ABLIM2: variants seen among roughly 807,000 people sequenced by gnomAD.
ABLIM2 encodes actin binding LIM protein family member 2.
ABLIM2 carries 53 observed loss-of-function variants against 97.7 expected under a neutral mutation model. That is an observed-to-expected ratio of 0.54 (90% CI 0.44 to 0.68). The LOEUF (loss-of-function observed/expected upper bound fraction) is 0.68. Among genes scored for constraint, ABLIM2 ranks in the 30% least tolerant of loss-of-function variants. ABLIM2 has a pLI of 0.00. For synonymous variants in ABLIM2, 361 were observed against 345.8 expected (o/e 1.04, Z -0.49); for missense variants, 835 against 867.2 (o/e 0.96, Z 0.47).
In ABLIM2 at chr4:8,085,437, A is replaced by G. The variant is rs1245663008; in HGVS notation, c.454+2732T>C. Among the ~76,000 whole-genome samples, 2 of 151,740 alleles carry G rather than the reference A, an allele frequency of 1.3e-5. No individual in the cohort carries two copies. Among genetic ancestry groups the G allele is most frequent in the Admixed American group, 6.6e-5 (1 of 15,250 alleles). ...GTGTTGGTGTCTCAGTGCCATTCCC[A>G]TTCCCCGCCCCCACGCTGCAGCCCC... On this transcript the variant is annotated intron_variant, in intron 4 of 20. Transcript: ENST00000447017. This position sits in a 1 kb window ranked among gnomAD's most constrained non-coding sequence, Gnocchi z 6.1.
chr4:8,133,986 A>AG (rs1012636747), intron 1 of ABLIM2, among the ~76,000 whole-genome samples: 136 of 148,992 alleles, frequency 9.1e-4, no homozygotes, highest in African/African-American at 2.7e-3. Flanking sequence ...GGCAGGTTGC[A>AG]GGGGGGGGTG....
At position 8,149,532 on chromosome 4, in the gene ABLIM2, T is replaced by C. The variant is rs539834302; in HGVS notation, c.10+9148A>G. 6.6e-6 allele frequency among the ~76,000 whole-genome samples: 1 copy of C among 151,738 alleles called. No homozygotes were observed. Among genetic ancestry groups the C allele is most frequent in the African/African-American group, 2.4e-5 (1 of 41,384 alleles). On this transcript the variant is annotated intron_variant, in intron 1 of 20. Transcript: ENST00000447017. The surrounding 1 kb of genome is among the most constrained non-coding windows in gnomAD (Gnocchi z 6.4). Reference sequence around the variant, plus strand: ...AGGAGGGAAGCAGAGGGCCTAGAGATGGGAAGAAAGCTTCACAGAGGCCCT... The same window carrying C: ...AGGAGGGAAGCAGAGGGCCTAGAGACGGGAAGAAAGCTTCACAGAGGCCCT...
rs1775109613 is a variant in ABLIM2, at chr4:8,023,221, C to T, written c.1268-2918G>A. The T allele has an allele frequency of 6.6e-6, 1 of 152,472 alleles. No individual in the cohort carries two copies. Among genetic ancestry groups the T allele is most frequent in the Admixed American group, 6.5e-5 (1 of 15,306 alleles). 9.4% of individuals were successfully genotyped at this position (152,472 alleles called of 1,614,324 possible). On this transcript the variant is annotated intron_variant, in intron 12 of 20. Transcript: ENST00000447017. The surrounding 1 kb of genome is among the most constrained non-coding windows in gnomAD (Gnocchi z 5.7). ...CACTAGGGTGCCCACAGATTGGTGC[C>T]ACCTGCACGCCGCACGGGATTCGGG...
chr4:7,990,064 C>G (rs1471201412), intron 17 of ABLIM2, among the ~76,000 whole-genome samples: 1 of 152,172 alleles, frequency 6.6e-6, no homozygotes, highest in Non-Finnish European at 1.5e-5. Context: ...GAAGAACACC[C>G]AGGAAAGCCT....
intron 20 of ABLIM2, among the ~76,000 whole-genome samples, chr4:7,973,591 G>A (rs915593928): frequency 3.3e-5 from 5 of 152,256 alleles, no homozygotes; most frequent in African/African-American, 1.2e-4. Flanking sequence ...GCAGGGCCCT[G>A]GACCGTGTTA....
intron 20 of ABLIM2, among the ~76,000 whole-genome samples, chr4:7,973,377 T>A (rs187145227): frequency 6.6e-6 from 1 of 151,966 alleles, no homozygotes; most frequent in African/African-American, 2.4e-5. Context: ...GGTACATGCC[T>A]GTAGTCCCAG....
At chr4:8,006,876 CA>C (rs923816297) in intron 16 of ABLIM2, 71 of 352,160 alleles carry the variant, frequency 2.0e-4, no homozygotes, top group Middle Eastern at 1.4e-3. Flanking sequence ...GGGATTTTTG[CA>C]GGGGGGGGGT....
intron 5 of ABLIM2, 54 bp downstream of exon 5, chr4:8,080,621 CA>C: frequency 1.3e-6 from 2 of 1,510,616 alleles, no homozygotes; most frequent in Non-Finnish European, 8.9e-7. Flanking sequence ...GTGGGACCCC[CA>C]CAGAGTAGGG....
At chr4:8,049,574 C>T (rs1326573486) in intron 8 of ABLIM2, among the ~76,000 whole-genome samples, 1 of 152,190 alleles carries the variant, frequency 6.6e-6, no homozygotes, top group Non-Finnish European at 1.5e-5. Flanking sequence ...CATTTAACAT[C>T]AACGCAGACC....
intron 2 of ABLIM2, among the ~76,000 whole-genome samples, chr4:8,102,226 G>A (rs1016141490): frequency 1.3e-5 from 2 of 152,180 alleles, no homozygotes; most frequent in Non-Finnish European, 2.9e-5. Context: ...CTGCTTCCGG[G>A]TCTCTGCACT....
intron 10 of ABLIM2, among the ~76,000 whole-genome samples, 158 bp downstream of exon 10, chr4:8,035,991 A>G (rs1421266023): frequency 2.0e-5 from 3 of 152,162 alleles, no homozygotes; most frequent in East Asian, 1.9e-4. Flanking sequence ...GGATGTGCAC[A>G]TGGCTATCTG....
chr4:8,120,087 T>C lies in ABLIM2; in HGVS notation c.11-13450A>G, dbSNP rs750391002. Among the ~76,000 whole-genome samples, 1 of 151,992 alleles carries C rather than the reference T, an allele frequency of 6.6e-6. No individual in the cohort carries two copies. The highest frequency in any genetic ancestry group is 1.5e-5 in the Non-Finnish European group (1 of 67,984). On this transcript the variant is annotated intron_variant, in intron 1 of 20. Coordinates refer to ENST00000447017, the MANE Select transcript of ABLIM2 (RefSeq NM_001130083.2). This position sits in a 1 kb window ranked among gnomAD's most constrained non-coding sequence, Gnocchi z 5.6. ...CAGGCACAGACGTCGGGCGGCAGGG[T>C]CCCTGGCGGCCCCCAGAGCCTGAGA...
intron 16 of ABLIM2, among the ~76,000 whole-genome samples, chr4:7,995,766 G>T (rs1241280332): frequency 6.6e-6 from 1 of 152,214 alleles, no homozygotes; most frequent in Non-Finnish European, 1.5e-5. Context: ...ATGCAAAACA[G>T]GCAAACGAGG....
At chr4:8,035,528 T>C (rs34944467) in intron 10 of ABLIM2, among the ~76,000 whole-genome samples, 53,211 of 152,078 alleles carry the variant, frequency 0.35, 9,433 homozygotes, top group African/African-American at 0.41. Flanking sequence ...TCCTCCTACC[T>C]CAGGCAGCTG....
At chr4:8,027,487 G>T (rs747466334) in intron 12 of ABLIM2, among the ~76,000 whole-genome samples, 2 of 152,206 alleles carry the variant, frequency 1.3e-5, no homozygotes, top group African/African-American at 2.4e-5. Flanking sequence ...GCCTGTGGGC[G>T]GGTGTGCAGG....
At chr4:8,053,864 G>A (rs762002181) in intron 8 of ABLIM2, among the ~76,000 whole-genome samples, 2 of 152,064 alleles carry the variant, frequency 1.3e-5, no homozygotes, top group Non-Finnish European at 2.9e-5. Flanking sequence ...GCCACGGGAC[G>A]GCTCTCATCA....
chr4:8,036,858 G>A (rs543971522), intron 9 of ABLIM2, among the ~76,000 whole-genome samples: 1 of 151,418 alleles, frequency 6.6e-6, no homozygotes, highest in East Asian at 2.0e-4. Flanking sequence ...CACACACACT[G>A]CACACACAAA....
In ABLIM2 at chr4:8,102,749, C is replaced by T. The variant is rs181364330; in HGVS notation, c.154+3745G>A. On this transcript the variant is annotated intron_variant, in intron 2 of 20. Coordinates refer to ENST00000447017, the MANE Select transcript of ABLIM2 (RefSeq NM_001130083.2). ...TAGTGGGAACCCAACACAGTAGGAG[C>T]TCTTGAATTGTCTTCCCTGCTAACA... Among the ~76,000 whole-genome samples, 4 of 152,324 alleles carry T rather than the reference C, an allele frequency of 2.6e-5. No individual in the cohort carries two copies. The South Asian group carries it at 6.2e-4, about 24-fold the overall frequency.
chr4:8,063,872 C>G (rs1805134358), intron 6 of ABLIM2, among the ~76,000 whole-genome samples: 1 of 152,250 alleles, frequency 6.6e-6, no homozygotes, highest in African/African-American at 2.4e-5. Context: ...CCTAGGCATG[C>G]CTGGACTTGC....
Sources: gnomAD v4.1 joint callset for allele counts (sites outside exome capture counted in the v4.1 genomes callset) on GRCh38, gnomAD v4.1.1 for gene constraint, Gnocchi (gnomAD v3.1) non-coding constraint, MANE v1.5 for transcripts, NCBI Gene and HGNC (gene_info 2026-07-23, HGNC 2026-07-21) for gene names.